DDX1: variants seen among roughly 807,000 people sequenced by gnomAD.
DDX1 encodes ATP-dependent RNA helicase DDX1.
A neutral mutation model predicts 108.7 loss-of-function variants in DDX1; 28 were observed. The ratio of observed to expected loss-of-function variants is 0.26; its 90% CI spans 0.19 to 0.35. The LOEUF is 0.35. Ranked by LOEUF, DDX1 falls within the 10% of genes least tolerant of loss-of-function variation. DDX1 has a pLI of 1.00. For synonymous variants in DDX1, 295 were observed against 288.9 expected (o/e 1.02, Z -0.21); for missense variants, 710 against 884.5 (o/e 0.80, Z 2.50).
chr2:15,611,425 C>T (rs1241198451), intron 13 of DDX1, among the ~76,000 whole-genome samples: 5 of 149,602 alleles, frequency 3.3e-5, no homozygotes, highest in Middle Eastern at 3.4e-3. Context: ...GGGTGGTGGC[C>T]GGGCAGAGGG....
chr2:15,592,433 C>G lies in DDX1; in HGVS notation c.16+484C>G, dbSNP rs1341580781. Among the ~76,000 whole-genome samples, 5 of 152,304 alleles carry G rather than the reference C, an allele frequency of 3.3e-5. No individual in the cohort carries two copies. The East Asian group carries it at 7.7e-4, about 24-fold the overall frequency. On this transcript the variant is annotated intron_variant, in intron 1 of 25. Transcript: ENST00000233084. ...TCTGTCCAGTTTTTTCAGGCCCTTC[C>G]AAAACGTCCCAGGCATAAACCTGAT... is the stretch of plus-strand genomic sequence containing the variant.
chr2:15,599,784 A>G, intron 6 of DDX1, 68 bp downstream of exon 6: 1 of 1,102,302 alleles, frequency 9.1e-7, no homozygotes. Flanking sequence ...ACATGAGAAC[A>G]CCAAGTAAAT....
intron 19 of DDX1, among the ~76,000 whole-genome samples, chr2:15,625,717 A>T (rs1482370758): frequency 6.6e-6 from 1 of 152,194 alleles, no homozygotes; most frequent in Non-Finnish European, 1.5e-5. Flanking sequence ...AAAAATTGGC[A>T]GATATAGAAG....
chr2:15,593,262 G>A (rs934008484), intron 1 of DDX1, among the ~76,000 whole-genome samples: 1 of 152,150 alleles, frequency 6.6e-6, no homozygotes, highest in African/African-American at 2.4e-5. Flanking sequence ...GCTCAGAGTT[G>A]TTGCTGTTTT....
At chr2:15,626,968 A>T in intron 19 of DDX1, 86 bp from the exon 20 acceptor site, 1 of 767,718 alleles carries the variant, frequency 1.3e-6, no homozygotes, top group Non-Finnish European at 2.2e-6. Context: ...GTGTGGCACT[A>T]TTGTAGTCTG....
chr2:15,612,028 G>GT (rs1290669450), intron 13 of DDX1, among the ~76,000 whole-genome samples: 5 of 142,394 alleles, frequency 3.5e-5, no homozygotes, highest in Admixed American at 3.4e-4. Flanking sequence ...TCACTTCCCA[G>GT]TAGGGGCGGC....
chr2:15,607,974 A>G (rs1239067043), intron 13 of DDX1, among the ~76,000 whole-genome samples: 1 of 152,126 alleles, frequency 6.6e-6, no homozygotes, highest in Non-Finnish European at 1.5e-5. Flanking sequence ...GGTTTATTCT[A>G]GACTGCATCA....
intron 19 of DDX1, among the ~76,000 whole-genome samples, chr2:15,625,194 G>A: frequency 6.6e-6 from 1 of 151,830 alleles, no homozygotes; most frequent in East Asian, 2.0e-4. Context: ...CCAAATGAAA[G>A]AATTCTTACT....
At chr2:15,625,264 T>C (rs1052683111) in intron 19 of DDX1, among the ~76,000 whole-genome samples, 62 of 152,266 alleles carry the variant, frequency 4.1e-4, no homozygotes, top group African/African-American at 1.2e-3. Context: ...AGAACTAATC[T>C]GTGATGGAAA....
intron 6 of DDX1, among the ~76,000 whole-genome samples, chr2:15,601,376 C>G (rs1256313041): frequency 6.6e-6 from 1 of 152,170 alleles, no homozygotes; most frequent in Non-Finnish European, 1.5e-5. Context: ...GTTGAGGGTT[C>G]AATCACACAA....
chr2:15,596,464 G>A (rs923937870), intron 3 of DDX1, among the ~76,000 whole-genome samples: 4 of 152,026 alleles, frequency 2.6e-5, no homozygotes, highest in Admixed American at 1.3e-4. Flanking sequence ...GATGTTGTTC[G>A]GATACTTTTA....
chr2:15,596,971 G>A (rs1194891315), intron 4 of DDX1, among the ~76,000 whole-genome samples: 2 of 152,142 alleles, frequency 1.3e-5, no homozygotes, highest in Admixed American at 6.5e-5. Flanking sequence ...TTTTAAATGG[G>A]CGTTAGAGAG....
At chr2:15,620,516 A>G (rs1428060741) in intron 17 of DDX1, 120 bp downstream of exon 17, 7 of 710,560 alleles carry the variant, frequency 9.9e-6, no homozygotes, top group Admixed American at 6.0e-5. Context: ...AGTCCAATAC[A>G]TCGTAAACCC....
In DDX1 at chr2:15,623,422, T is replaced by C; in HGVS notation, c.1448-14T>C. Reference sequence around the variant, plus strand: ...GAAATTCTGTTGGTTTTTGTTGTTGTTATGATATTCAAGAGATGTGGTCTG... The same window carrying C: ...GAAATTCTGTTGGTTTTTGTTGTTGCTATGATATTCAAGAGATGTGGTCTG... On this transcript the variant is annotated splice_polypyrimidine_tract_variant and intron_variant, in intron 18 of 25. Coordinates refer to ENST00000233084, the MANE Select transcript of DDX1 (RefSeq NM_004939.3). 3 of 1,612,486 alleles carry C rather than the reference T, an allele frequency of 1.9e-6. No individual in the cohort carries two copies. In the South Asian group the frequency reaches 3.3e-5, roughly 18 times the overall value.
chr2:15,604,646 A>G, intron 10 of DDX1, 137 bp downstream of exon 10: 1 of 638,410 alleles, frequency 1.6e-6, no homozygotes, highest in Non-Finnish European at 2.8e-6. Context: ...TTTATTGAGC[A>G]TTGACTATGT....
chr2:15,621,283 CT>C, intron 18 of DDX1, 167 bp downstream of exon 18: 1 of 602,670 alleles, frequency 1.7e-6, no homozygotes, highest in Non-Finnish European at 2.9e-6. Context: ...TACTAGTCAA[CT>C]TAGAGGAATA....
chr2:15,623,899 T>C (rs1666051790), intron 19 of DDX1, among the ~76,000 whole-genome samples: 1 of 151,944 alleles, frequency 6.6e-6, no homozygotes, highest in African/African-American at 2.4e-5. Flanking sequence ...ATAGAATGTA[T>C]GTCTTTTAAA....
intron 7 of DDX1, 62 bp from the exon 8 acceptor site, chr2:15,603,130 C>G: frequency 8.7e-7 from 1 of 1,150,670 alleles, no homozygotes; most frequent in Non-Finnish European, 1.3e-6. Flanking sequence ...GGGAAGATGA[C>G]TTCATGGTAA....
At chr2:15,597,510 A>G (rs918587137) in intron 5 of DDX1, 39 bp downstream of exon 5, 20 of 1,300,902 alleles carry the variant, frequency 1.5e-5, no homozygotes, top group Non-Finnish European at 2.0e-5. Flanking sequence ...TATATAAATC[A>G]TTGGTTCTCA....
Sources: allele counts gnomAD v4.1 joint callset (sites outside exome capture counted in the v4.1 genomes callset), GRCh38; gene constraint gnomAD v4.1.1; transcripts MANE v1.5; gene names NCBI Gene and HGNC (gene_info 2026-07-23, HGNC 2026-07-21).